ST6GAL1: variants seen among roughly 807,000 people sequenced by gnomAD.
The protein encoded by ST6GAL1 is ST6 beta-galactoside alpha-2,6-sialyltransferase 1.
ST6GAL1 carries 20 observed loss-of-function variants against 38.0 expected under a neutral mutation model. The ratio of observed to expected loss-of-function variants is 0.53; its 90% CI spans 0.37 to 0.77. The LOEUF (loss-of-function observed/expected upper bound fraction) is 0.77. ST6GAL1 is among the 30% of genes least tolerant of loss of function. The pLI, the probability that ST6GAL1 is intolerant of heterozygous loss-of-function variation, is 0.00. For synonymous variants in ST6GAL1, 196 were observed against 188.2 expected (o/e 1.04, Z -0.34); for missense variants, 432 against 496.4 (o/e 0.87, Z 1.23).
At chr3:187,035,690 C>A (rs1717906525) in intron 2 of ST6GAL1, among the ~76,000 whole-genome samples, 1 of 152,208 alleles carries the variant, frequency 6.6e-6, no homozygotes. Flanking sequence ...GCTGGAATAA[C>A]TGGCTAGCCA....
chr3:187,006,860 C>G (rs2108556144), intron 2 of ST6GAL1, among the ~76,000 whole-genome samples: 1 of 152,310 alleles, frequency 6.6e-6, no homozygotes, highest in East Asian at 1.9e-4. Flanking sequence ...ATTGCCAAAT[C>G]CCTTTCTTCC....
At chr3:187,030,971 T>C (rs1415849090) in intron 2 of ST6GAL1, among the ~76,000 whole-genome samples, 1 of 152,104 alleles carries the variant, frequency 6.6e-6, no homozygotes, top group African/African-American at 2.4e-5. Context: ...TTGAAGGCAG[T>C]GGGCAGTGGG....
At chr3:187,017,575 T>A (rs1022763617) in intron 2 of ST6GAL1, among the ~76,000 whole-genome samples, 1 of 152,184 alleles carries the variant, frequency 6.6e-6, no homozygotes, top group African/African-American at 2.4e-5. Flanking sequence ...TTCCCCTTTT[T>A]CTTTGTAGGG....
intron 1 of ST6GAL1, among the ~76,000 whole-genome samples, chr3:186,959,498 G>GCACA (rs1308338851): frequency 1.3e-5 from 2 of 152,084 alleles, no homozygotes; most frequent in Non-Finnish European, 2.9e-5. Context: ...AAAGCACCTG[G>GCACA]CACACAGTAG....
At position 187,074,150 on chromosome 3, in the gene ST6GAL1, CT is replaced by C; in HGVS notation, c.805-4del. 6.2e-7 allele frequency: 1 copy of C among 1,602,366 alleles called. No individual in the cohort carries two copies. Among genetic ancestry groups the C allele is most frequent in the Non-Finnish European group, 8.5e-7 (1 of 1,174,624 alleles). On this transcript the variant is annotated splice_polypyrimidine_tract_variant and splice_region_variant and intron_variant, in intron 6 of 7. Transcript: ENST00000169298. Reference sequence around the variant, plus strand: ...TCTCCCTTGAGAGGACCACTTCTTTCTTTTTCAGTGGTACCAGAATCCGGAT... The same window carrying C: ...TCTCCCTTGAGAGGACCACTTCTTTCTTTTCAGTGGTACCAGAATCCGGAT...
At chr3:186,933,955 AC>A (rs1418772515) in intron 1 of ST6GAL1, among the ~76,000 whole-genome samples, 1 of 152,206 alleles carries the variant, frequency 6.6e-6, no homozygotes, top group Non-Finnish European at 1.5e-5. Context: ...TGTTTGCTGA[AC>A]GGTTCACTTT....
At chr3:186,942,910 C>T (rs1005458125) in intron 1 of ST6GAL1, among the ~76,000 whole-genome samples, 1 of 152,196 alleles carries the variant, frequency 6.6e-6, no homozygotes, top group African/African-American at 2.4e-5. Flanking sequence ...GCCGTGTTGG[C>T]CAGGCTGGTC....
rs760643808 is a variant in ST6GAL1, at chr3:186,930,644, C to T, written c.-515C>T. ...GGTCCCCAGCTCCCGGGCGATCCTG[C>T]CCTTGCCGAGCGCGTTTTCTGGAGT... On this transcript the variant is annotated 5_prime_UTR_variant, in exon 1 of 8. Transcript: ENST00000169298. 2.5e-4 allele frequency: 38 copies of T among 152,540 alleles called. No individual in the cohort carries two copies. Among genetic ancestry groups the T allele is most frequent in the Non-Finnish European group, 4.4e-4 (30 of 68,308 alleles). 9.4% of individuals were successfully genotyped at this position (152,540 alleles called of 1,614,324 possible).
intron 1 of ST6GAL1, among the ~76,000 whole-genome samples, chr3:186,943,998 C>T (rs1714270932): frequency 6.6e-6 from 1 of 152,256 alleles, no homozygotes; most frequent in Admixed American, 6.5e-5. Context: ...CCTCTTCTTT[C>T]AACCTGCCTC....
intron 5 of ST6GAL1, among the ~76,000 whole-genome samples, chr3:187,067,475 T>G (rs1260305873): frequency 6.7e-6 from 1 of 150,044 alleles, no homozygotes; most frequent in African/African-American, 2.5e-5. Context: ...CAGAGCCATG[T>G]GTAAAGTTCC....
At position 187,076,994 on chromosome 3, in the gene ST6GAL1, A is replaced by G. The variant is rs969047901; in HGVS notation, c.*1191A>G. 2 of 393,800 alleles carry G rather than the reference A, an allele frequency of 5.1e-6. No homozygotes were observed. Among genetic ancestry groups the G allele is most frequent in the African/African-American group, 4.3e-5 (2 of 46,610 alleles). 24.4% of individuals were successfully genotyped at this position (393,800 alleles called of 1,614,324 possible). A position where few individuals can be genotyped will look rare whatever the true frequency, so the allele number is the denominator to read the frequency against. ...ACCATCTGTTTTTTTTTTTTAAAGCATTTTTTGCTTTAAAAGCATCCTGAC... is the reference window on the plus strand; with the variant it reads ...ACCATCTGTTTTTTTTTTTTAAAGCGTTTTTTGCTTTAAAAGCATCCTGAC... On this transcript the variant is annotated 3_prime_UTR_variant, in exon 8 of 8. Coordinates refer to ENST00000169298, the MANE Select transcript of ST6GAL1 (RefSeq NM_173216.2).
At chr3:187,061,187 T>C (rs1314936079) in intron 5 of ST6GAL1, among the ~76,000 whole-genome samples, 1 of 152,134 alleles carries the variant, frequency 6.6e-6, no homozygotes, top group Non-Finnish European at 1.5e-5. Flanking sequence ...GAAAGACTTA[T>C]ACAATGAAAA....
intron 2 of ST6GAL1, chr3:187,006,673 G>A (rs1716796804): frequency 6.6e-6 from 1 of 152,156 alleles, no homozygotes; most frequent in Non-Finnish European, 1.5e-5. Context: ...TTTGTCTAAG[G>A]TCACACATCT....
At chr3:186,945,620 TAGAA>T (rs1014775254) in intron 1 of ST6GAL1, among the ~76,000 whole-genome samples, 2 of 151,892 alleles carry the variant, frequency 1.3e-5, no homozygotes, top group African/African-American at 4.8e-5. Context: ...TGTGAGGAAG[TAGAA>T]AGAATATACC....
chr3:187,071,257 C>T (rs540164845), intron 5 of ST6GAL1, among the ~76,000 whole-genome samples: 7 of 152,228 alleles, frequency 4.6e-5, no homozygotes, highest in South Asian at 2.1e-4. Context: ...CATCATCTCC[C>T]GCCTGCTTTT....
chr3:186,994,755 C>T (rs180771443), intron 2 of ST6GAL1, among the ~76,000 whole-genome samples: 47 of 152,092 alleles, frequency 3.1e-4, no homozygotes, highest in East Asian at 2.3e-3. Flanking sequence ...ACCAGCCTGG[C>T]CAACATGATG....
chr3:186,966,491 C>G (rs1033239302), intron 2 of ST6GAL1, among the ~76,000 whole-genome samples: 4 of 152,166 alleles, frequency 2.6e-5, no homozygotes, highest in African/African-American at 4.8e-5. Context: ...AGTGAGTGCT[C>G]TTTATGGCAA....
At chr3:187,057,302 C>T (rs891990591) in intron 5 of ST6GAL1, among the ~76,000 whole-genome samples, 2 of 152,226 alleles carry the variant, frequency 1.3e-5, no homozygotes, top group Non-Finnish European at 1.5e-5. Flanking sequence ...AAGCCTACTT[C>T]TGTCAGCTCG....
chr3:187,024,305 A>AG lies in ST6GAL1; in HGVS notation c.-182-14436dup, dbSNP rs1193447784. ...AGACGGGGGTTTCACCATGTTAGCC[A>AG]GATGGTCTTGATCTCCTGACCTCGT... On this transcript the variant is annotated intron_variant, in intron 2 of 7. Coordinates refer to ENST00000169298, the MANE Select transcript of ST6GAL1 (RefSeq NM_173216.2). 2.6e-4 allele frequency among the ~76,000 whole-genome samples: 39 copies of AG among 151,512 alleles called. 1 individual carries two copies. The highest frequency in any genetic ancestry group is 1.3e-4 in the Admixed American group (2 of 15,218).
Sources: allele counts gnomAD v4.1 joint callset (sites outside exome capture counted in the v4.1 genomes callset), GRCh38; gene constraint gnomAD v4.1.1; transcripts MANE v1.5; gene names NCBI Gene and HGNC (gene_info 2026-07-23, HGNC 2026-07-21).